Variants in CPSF7 observed in about 807,000 individuals in gnomAD.
CPSF7 encodes cleavage and polyadenylation specific factor 7, also known as cleavage and polyadenylation specificity factor subunit 7.
CPSF7 carries 1 observed loss-of-function variant against 44.3 expected under a neutral mutation model. The observed-to-expected ratio is 0.02, with a 90% CI of 0.01 to 0.11. The LOEUF (loss-of-function observed/expected upper bound fraction) is 0.11, where lower values mean the gene tolerates loss of function less well. Ranked by LOEUF, CPSF7 falls within the 10% of genes least tolerant of loss-of-function variation. CPSF7 has a pLI of 1.00. For missense variants in CPSF7, 443 were observed against 607.2 expected (o/e 0.73, Z 2.84); for synonymous variants, 202 against 222.0 (o/e 0.91, Z 0.80).
chr11:61,409,351 AATC>A (rs1859640925), intron 9 of CPSF7, among the ~76,000 whole-genome samples: 1 of 151,780 alleles, frequency 6.6e-6, no homozygotes, highest in African/African-American at 2.4e-5. Flanking sequence ...GGGCGCTTGT[AATC>A]CCAGCTACTC....
Sources: gnomAD v4.1 joint callset for allele counts (sites outside exome capture counted in the v4.1 genomes callset) on GRCh38, gnomAD v4.1.1 for gene constraint, MANE v1.5 for transcripts, NCBI Gene and HGNC (gene_info 2026-07-23, HGNC 2026-07-21) for gene names.